Variants in ZFP91 observed in about 807,000 individuals in gnomAD.
The protein encoded by ZFP91 is ZFP91 zinc finger protein, atypical E3 ubiquitin ligase.
A neutral mutation model predicts 63.5 loss-of-function variants in ZFP91; 7 were observed. The ratio of observed to expected loss-of-function variants is 0.11; its 90% CI spans 0.06 to 0.21. ZFP91 has a LOEUF of 0.21. Among genes scored for constraint, ZFP91 ranks in the 10% least tolerant of loss-of-function variants. The pLI is 1.00. For missense variants in ZFP91, 628 were observed against 736.6 expected (o/e 0.85, Z 1.71); for synonymous variants, 330 against 272.1 (o/e 1.21, Z -2.10).
chr11:58,586,193 A>G (rs1304534263), intron 2 of ZFP91, among the ~76,000 whole-genome samples: 4 of 152,342 alleles, frequency 2.6e-5, no homozygotes, highest in African/African-American at 9.6e-5. Context: ...TTCTGATTAA[A>G]ACAAAAAGCA....
intron 2 of ZFP91, among the ~76,000 whole-genome samples, chr11:58,604,594 A>G (rs1855541348): frequency 6.6e-6 from 1 of 152,190 alleles, no homozygotes; most frequent in African/African-American, 2.4e-5. Flanking sequence ...ATCTTAATCC[A>G]TTCTTTTACT....
intron 2 of ZFP91, among the ~76,000 whole-genome samples, chr11:58,600,932 T>A (rs1855482067): frequency 6.6e-6 from 1 of 152,198 alleles, no homozygotes; most frequent in South Asian, 2.1e-4. Flanking sequence ...TTTTCCTCTC[T>A]TTATTAATGT....
At chr11:58,603,353 TGTG>T (rs1855521807) in intron 2 of ZFP91, among the ~76,000 whole-genome samples, 1 of 152,242 alleles carries the variant, frequency 6.6e-6, no homozygotes, top group Admixed American at 6.5e-5. Context: ...AATAGTGTAT[TGTG>T]GTACAGGACC....
rs1020193320 is a variant in ZFP91 at position 58,621,385 on chromosome 11, ACTT to A, written c.*3685_*3687del. On this transcript the variant is annotated 3_prime_UTR_variant, in exon 11 of 11. Transcript: ENST00000316059. ...AACCTTGATAGCATTTAATATTAAT[ACTT>A]CTTCTCAAAATTGAATGTTTATATC... Among the ~76,000 whole-genome samples, 4 of 152,304 alleles carry A rather than the reference ACTT, an allele frequency of 2.6e-5. No individual in the cohort carries two copies. The highest frequency in any genetic ancestry group is 2.1e-4 in the South Asian group (1 of 4,828).
At chr11:58,579,717 C>A in intron 1 of ZFP91, 95 bp downstream of exon 1, 3 of 1,210,342 alleles carry the variant, frequency 2.5e-6, no homozygotes, top group Non-Finnish European at 3.3e-6. Context: ...TGACATCCTG[C>A]CTGGTCTGCC....
chr11:58,616,495 T>G (rs903660295), intron 9 of ZFP91, among the ~76,000 whole-genome samples: 2 of 152,104 alleles, frequency 1.3e-5, no homozygotes, highest in South Asian at 4.1e-4. Context: ...TTTCTGTTTG[T>G]TTTTGTTTTT....
chr11:58,618,588 TG>T lies in ZFP91; in HGVS notation c.*884del. On this transcript the variant is annotated 3_prime_UTR_variant, in exon 11 of 11. Transcript: ENST00000316059. ...AACAGGAAGTCTGATTTTTTTTTTT[TG>T]GAGTCTTTGTTGCTATATTTTGTGG... 1 of 414,346 alleles carries T rather than the reference TG, an allele frequency of 2.4e-6. No homozygotes were observed. The highest frequency in any genetic ancestry group is 1.7e-5 in the South Asian group (1 of 57,604). The allele number at this position is 414,346 out of a possible 1,614,324, so 25.7% of individuals were successfully genotyped here. A position where few individuals can be genotyped will look rare whatever the true frequency, so the allele number is the denominator to read the frequency against.
chr11:58,604,253 A>G (rs1047751516), intron 2 of ZFP91, among the ~76,000 whole-genome samples: 1 of 152,192 alleles, frequency 6.6e-6, no homozygotes, highest in East Asian at 1.9e-4. Context: ...GCCCTAATCC[A>G]CTATGACTGA....
At position 58,614,406 on chromosome 11, in the gene ZFP91, AATG is replaced by A. The variant is rs1590630345; in HGVS notation, c.1102+66_1102+68del. 37 of 1,200,396 alleles carry A rather than the reference AATG, an allele frequency of 3.1e-5. 1 individual carries two copies. The East Asian group carries it at 8.8e-4, about 29-fold the overall frequency. 74.4% of individuals were successfully genotyped at this position (1,200,396 alleles called of 1,614,324 possible). On this transcript the variant is annotated intron_variant, in intron 9 of 10. Transcript: ENST00000316059. ...CTGTGCTTTAGTTTTGCATGTTGGT[AATG>A]ATAACGTTTTTCTAACATAAGTCTT...
chr11:58,601,725 C>CT (rs995529452), intron 2 of ZFP91, among the ~76,000 whole-genome samples: 3 of 151,846 alleles, frequency 2.0e-5, no homozygotes, highest in African/African-American at 7.3e-5. Flanking sequence ...TCAGTCATCT[C>CT]TAAGTATTTT....
chr11:58,606,941 G>GT lies in ZFP91; in HGVS notation c.371-2880dup, dbSNP rs544319986. ...TTTTGCTGTCATCTCTGACAGAGTG[G>GT]TTTTTTTTTAAGACTAGATTTTTAG... On this transcript the variant is annotated intron_variant, in intron 2 of 10. Coordinates refer to ENST00000316059, the MANE Select transcript of ZFP91 (RefSeq NM_053023.5). Among the ~76,000 whole-genome samples, 601 of 151,046 alleles carry GT rather than the reference G, an allele frequency of 4.0e-3. 3 individuals are homozygous for GT. Among genetic ancestry groups the GT allele is most frequent in the Middle Eastern group, 0.017 (5 of 290 alleles).
chr11:58,612,942 A>T, intron 8 of ZFP91, 102 bp downstream of exon 8: 1 of 987,566 alleles, frequency 1.0e-6, no homozygotes, highest in South Asian at 1.6e-5. Flanking sequence ...TTTATCATTG[A>T]CATGTAATGT....
chr11:58,609,163 C>T (rs1162810554), intron 2 of ZFP91, among the ~76,000 whole-genome samples: 1 of 152,106 alleles, frequency 6.6e-6, no homozygotes, highest in Non-Finnish European at 1.5e-5. Context: ...TTACTTACTA[C>T]TCAAGAGAGG....
chr11:58,579,336 G>C lies in ZFP91; in HGVS notation c.55G>C (p.Gly19Arg). ...RPPEQQDQEG[G>R]EAAKAAPEEP... ...CCCGGAGCAGCAGGACCAGGAAGGG[G>C]GAGAGGCGGCCAAGGCGGCTCCGGA... The change falls in exon 1 of 11, where the codon GGA becomes CGA. Residue 19 changes from glycine (G) to arginine (R), a missense_variant. By Grantham distance (125) the Gly-to-Arg change is moderately radical. This residue lies in a region of ZFP91 where 437 missense variants were observed against 380.3 expected (regional missense o/e 1.15). Transcript: ENST00000316059. 1.3e-6 allele frequency: 2 copies of C among 1,495,694 alleles called. No homozygotes were observed. The highest frequency in any genetic ancestry group is 1.8e-6 in the Non-Finnish European group (2 of 1,126,948). 92.7% of individuals were successfully genotyped at this position (1,495,694 alleles called of 1,614,324 possible). A position where few individuals can be genotyped will look rare whatever the true frequency, so the allele number is the denominator to read the frequency against.
At chr11:58,591,641 C>G (rs1370760588) in intron 2 of ZFP91, among the ~76,000 whole-genome samples, 1 of 152,104 alleles carries the variant, frequency 6.6e-6, no homozygotes, top group East Asian at 1.9e-4. Context: ...TACTTTCTGT[C>G]TGTATAGATT....
chr11:58,580,914 A>G (rs1260927969), intron 1 of ZFP91, among the ~76,000 whole-genome samples: 2 of 152,214 alleles, frequency 1.3e-5, no homozygotes, highest in Non-Finnish European at 2.9e-5. Flanking sequence ...TCTTACAAAA[A>G]TTTTATAGTT....
At chr11:58,612,146 G>T in intron 6 of ZFP91, 132 bp from the exon 7 acceptor site, 1 of 871,004 alleles carries the variant, frequency 1.1e-6, no homozygotes, top group South Asian at 1.8e-5. Context: ...ATATATCTTT[G>T]ACTTTATGTA....
chr11:58,616,979 CCT>C (rs1370249889), intron 10 of ZFP91, among the ~76,000 whole-genome samples, 164 bp downstream of exon 10: 2 of 151,614 alleles, frequency 1.3e-5, no homozygotes, highest in Non-Finnish European at 2.9e-5. Flanking sequence ...TCTTAGTTTC[CCT>C]CTGTTTTTCA....
rs568004138 is a variant in ZFP91 at position 58,607,962 on chromosome 11, A to G, written c.371-1868A>G. ...GGTAGTTTATATTTCTAGGGCATAT[A>G]CTTAAAGGTGAAATTACTACACATA... On this transcript the variant is annotated intron_variant, in intron 2 of 10. Transcript: ENST00000316059. Among the ~76,000 whole-genome samples the G allele has an allele frequency of 2.6e-5, 4 of 152,108 alleles. No individual in the cohort carries two copies. The East Asian group carries it at 7.8e-4, about 30-fold the overall frequency.
Sources: gnomAD v4.1 joint callset for allele counts (sites outside exome capture counted in the v4.1 genomes callset) on GRCh38, gnomAD v4.1.1 for gene constraint, gnomAD v4.1.1 regional missense constraint, MANE v1.5 for transcripts, NCBI Gene and HGNC (gene_info 2026-07-23, HGNC 2026-07-21) for gene names.